Variants in ABCB5 observed in about 807,000 individuals in gnomAD.
The protein encoded by ABCB5 is ATP-binding cassette sub-family B member 5.
A neutral mutation model predicts 144.2 loss-of-function variants in ABCB5; 155 were observed. The ratio of observed to expected loss-of-function variants is 1.08; its 90% CI spans 0.94 to 1.23. The LOEUF (loss-of-function observed/expected upper bound fraction) is 1.23, where lower values mean the gene tolerates loss of function less well. Among genes scored for constraint, ABCB5 ranks in the 50% most tolerant of loss-of-function variants. ABCB5 has a pLI of 0.00. For missense variants in ABCB5, 1,830 were observed against 1,520.8 expected (o/e 1.20, Z -3.38); for synonymous variants, 610 against 528.6 (o/e 1.15, Z -2.11).
At chr7:20,690,099 T>A (rs1228204078) in intron 16 of ABCB5, among the ~76,000 whole-genome samples, 6 of 152,198 alleles carry the variant, frequency 3.9e-5, no homozygotes, top group Non-Finnish European at 7.3e-5. Flanking sequence ...CTGAATAGAT[T>A]TCAGAGCCCA....
rs373260063 is a variant in ABCB5, at chr7:20,646,022, G to A, written c.865G>A (p.Val289Met). Residue 289 changes from valine to methionine, a missense_variant, in exon 9 of 28, where the codon GTG becomes ATG. Coordinates refer to ENST00000404938, the MANE Select transcript of ABCB5 (RefSeq NM_001163941.2). ...FGIKRTIASK[V>M]SLGAVYFFMN... ...CATAAAAAGGACTATAGCTTCAAAA[G>A]TGTCTCTTGGTGCTGTGTACTTCTT... 2.5e-6 allele frequency: 4 copies of A among 1,613,888 alleles called. No homozygotes were observed. Among genetic ancestry groups the A allele is most frequent in the Admixed American group, 1.7e-5 (1 of 59,990 alleles).
chr7:20,751,012 C>T (rs1189891726), intron 26 of ABCB5, among the ~76,000 whole-genome samples: 3 of 152,102 alleles, frequency 2.0e-5, no homozygotes, highest in African/African-American at 7.2e-5. Flanking sequence ...AGGACTTTGA[C>T]CACTGTAACC....
intron 16 of ABCB5, among the ~76,000 whole-genome samples, chr7:20,695,023 C>T (rs1162562452): frequency 6.6e-6 from 1 of 151,910 alleles, no homozygotes; most frequent in Non-Finnish European, 1.5e-5. Flanking sequence ...TGTTCTTTCT[C>T]CTCCAATTGA....
chr7:20,711,790 T>TTCTCTCTCTCTCTCTC lies in ABCB5; in HGVS notation c.2421+6986_2421+6987insCTCTCTCTCTCTCTCT, dbSNP rs1334192971. Among the ~76,000 whole-genome samples the TTCTCTCTCTCTCTCTC allele has an allele frequency of 1.9e-3, 87 of 46,040 alleles. 5 individuals are homozygous for TTCTCTCTCTCTCTCTC. In the East Asian group the frequency reaches 0.022, roughly 12 times the overall value. The allele number at this position is 46,040 out of a possible 152,430, so 30.2% of individuals were successfully genotyped here. ...CCTTTCCTTCTTTCTCTTTCTTTCT[T>TTCTCTCTCTCTCTCTC]TCTTTCTTTCTTTCTTTCTTTCTTT... On this transcript the variant is annotated intron_variant, in intron 20 of 27. Transcript: ENST00000404938.
At chr7:20,731,830 C>T (rs1782232717) in intron 23 of ABCB5, among the ~76,000 whole-genome samples, 1 of 152,136 alleles carries the variant, frequency 6.6e-6, no homozygotes, top group East Asian at 1.9e-4. Flanking sequence ...TCTTCTCATC[C>T]TCTTCACACT....
chr7:20,667,541 A>G (rs2128033635), intron 14 of ABCB5: 1 of 977,458 alleles, frequency 1.0e-6, no homozygotes, highest in Non-Finnish European at 1.2e-6. Context: ...TTTTCTAATT[A>G]AATTCCATAC....
At chr7:20,721,826 T>C (rs1184874758) in intron 20 of ABCB5, among the ~76,000 whole-genome samples, 3 of 152,252 alleles carry the variant, frequency 2.0e-5, no homozygotes, top group Non-Finnish European at 4.4e-5. Flanking sequence ...ATTTAGATTC[T>C]ATTGTAGTAA....
At chr7:20,630,124 T>C (rs184408688) in intron 4 of ABCB5, among the ~76,000 whole-genome samples, 1 of 152,214 alleles carries the variant, frequency 6.6e-6, no homozygotes, top group Non-Finnish European at 1.5e-5. Flanking sequence ...ACTGATGTAA[T>C]GACTATGCAG....
chr7:20,625,523 ACTTG>A, intron 2 of ABCB5, among the ~76,000 whole-genome samples: 1 of 152,344 alleles, frequency 6.6e-6, no homozygotes, highest in African/African-American at 2.4e-5. Flanking sequence ...TTAAGAGTAC[ACTTG>A]CTTAATGTGT....
intron 23 of ABCB5, among the ~76,000 whole-genome samples, chr7:20,730,914 G>C (rs921220937): frequency 6.6e-6 from 1 of 152,154 alleles, no homozygotes; most frequent in Non-Finnish European, 1.5e-5. Context: ...CTAGTTTTGA[G>C]TATTAGTAGA....
At chr7:20,646,274 C>G (rs1784408047) in intron 9 of ABCB5, 136 bp downstream of exon 9, 2 of 830,294 alleles carry the variant, frequency 2.4e-6, no homozygotes, top group Admixed American at 6.1e-5. Context: ...CTCAAATTAT[C>G]TGTATACACC....
chr7:20,657,289 T>C (rs6951722), intron 13 of ABCB5, among the ~76,000 whole-genome samples: 23,025 of 151,746 alleles, frequency 0.15, 1,837 homozygotes, highest in African/African-American at 0.2. Flanking sequence ...AATAATTTTT[T>C]AGCAATATTG....
Position 20,681,542 on chromosome 7 carries a change from G to T in ABCB5, c.1745G>T (p.Arg582Leu). 6.2e-7 allele frequency: 1 copy of T among 1,614,158 alleles called. No homozygotes were observed. The highest frequency in any genetic ancestry group is 8.5e-7 in the Non-Finnish European group (1 of 1,180,038). ...CGGACTACAATCGTGGTAGCACACCGACTTTCTACTATTCGAAGTGCAGAT... is the reference window on the plus strand; with the variant it reads ...CGGACTACAATCGTGGTAGCACACCTACTTTCTACTATTCGAAGTGCAGAT... ...KGRTTIVVAH[R>L]LSTIRSADLI... Residue 582 changes from arginine to leucine, a missense_variant, in exon 15 of 28, where the codon CGA becomes CTA. Coordinates refer to ENST00000404938, the MANE Select transcript of ABCB5 (RefSeq NM_001163941.2).
At chr7:20,702,448 T>G (rs1786659753) in intron 19 of ABCB5, among the ~76,000 whole-genome samples, 2 of 152,062 alleles carry the variant, frequency 1.3e-5, no homozygotes, top group Admixed American at 1.3e-4. Flanking sequence ...GTCATGAAAC[T>G]CAGCTGTAAT....
At chr7:20,655,226 C>T (rs1462000398) in intron 13 of ABCB5, among the ~76,000 whole-genome samples, 1 of 152,060 alleles carries the variant, frequency 6.6e-6, no homozygotes. Context: ...AATCCCAGCA[C>T]TTTGGGAGGC....
Position 20,742,934 on chromosome 7 carries a change from C to T in ABCB5, c.3082C>T (p.Pro1028Ser). ...REVSFFYPCR[P>S]DVFILRGLSL... ...AGTCTCTTTCTTCTATCCATGTCGC[C>T]CAGATGTTTTCATCCTCCGTGGCTT... is the stretch of plus-strand genomic sequence containing the variant. The change falls in exon 25 of 28, where the codon CCA becomes TCA. Residue 1028 changes from proline (P) to serine (S), a missense_variant. By Grantham distance (74) the Pro-to-Ser change is moderately conservative. Coordinates refer to ENST00000404938, the MANE Select transcript of ABCB5 (RefSeq NM_001163941.2). 2 of 1,614,146 alleles carry T rather than the reference C, an allele frequency of 1.2e-6. No homozygotes were observed. The highest frequency in any genetic ancestry group is 2.2e-5 in the South Asian group (2 of 91,074).
At position 20,650,075 on chromosome 7, in the gene ABCB5, C is replaced by T. The variant is rs769237399; in HGVS notation, c.1260C>T (p.Val420=). 8.1e-6 allele frequency: 13 copies of T among 1,613,376 alleles called. No homozygotes were observed. Among genetic ancestry groups the T allele is most frequent in the African/African-American group, 6.7e-5 (5 of 74,890 alleles). ...AGTCTGGAGAGACAGTCGCCTTGGT[C>T]GGTCTCAATGGCAGTGGGAAGAGTA... ...RIKSGETVAL[V]GLNGSGKSTV... Residue 420 remains valine (V), a synonymous_variant, in exon 12 of 28, where the codon GTC becomes GTT. Coordinates refer to ENST00000404938, the MANE Select transcript of ABCB5 (RefSeq NM_001163941.2).
chr7:20,712,174 A>AG (rs1437994781), intron 20 of ABCB5, among the ~76,000 whole-genome samples: 1 of 136,032 alleles, frequency 7.4e-6, no homozygotes, highest in African/African-American at 2.8e-5. Context: ...AAAAAAAAAA[A>AG]AAAAAAAAGA....
At chr7:20,683,140 C>G (rs73280668) in intron 15 of ABCB5, among the ~76,000 whole-genome samples, 2,009 of 152,198 alleles carry the variant, frequency 0.013, 38 homozygotes, top group African/African-American at 0.045. Context: ...CCTCCATCTC[C>G]TCATCAAGTT....
Sources: allele counts gnomAD v4.1 joint callset (sites outside exome capture counted in the v4.1 genomes callset), GRCh38; gene constraint gnomAD v4.1.1; transcripts MANE v1.5; gene names NCBI Gene and HGNC (gene_info 2026-07-23, HGNC 2026-07-21).